The following AGBL1 variants were observed in gnomAD, a reference collection of about 807,000 sequenced individuals.
The protein encoded by AGBL1 is AGBL carboxypeptidase 1, also known as cytosolic carboxypeptidase 4.
Under a neutral mutation model 118.9 loss-of-function variants are expected in AGBL1, and 130 were observed. The ratio of observed to expected loss-of-function variants is 1.09; its 90% CI spans 0.95 to 1.26. AGBL1 has a LOEUF of 1.26. Ranked by LOEUF, AGBL1 falls within the 50% of genes most tolerant of loss-of-function variation. AGBL1 has a pLI of 0.00. For synonymous variants in AGBL1, 555 were observed against 478.9 expected, an observed-to-expected ratio of 1.16 and a Z score of -2.08; for missense variants, 1,584 against 1,298.1, an observed-to-expected ratio of 1.22 and a Z score of -3.38.
chr15:86,634,088 A>G (rs2085035733), intron 21 of AGBL1, among the ~76,000 whole-genome samples: 2 of 152,158 alleles, frequency 1.3e-5, no homozygotes, highest in South Asian at 4.1e-4. Context: ...ACGTGGGGAA[A>G]TTGGAGCCCT....
At position 86,426,359 on chromosome 15, in the gene AGBL1, C is replaced by T. The variant is rs2081866331; in HGVS notation, c.2555+28813C>T. Among the ~76,000 whole-genome samples the T allele has an allele frequency of 1.3e-5, 2 of 152,168 alleles. 1 individual carries two copies. Among genetic ancestry groups the T allele is most frequent in the South Asian group, 4.1e-4 (2 of 4,830 alleles). ...CTGGCAGATCCAGGACAAAGAAAAT[C>T]TCTTTTCCCAGGTCTGTCAAATGAT... On this transcript the variant is annotated intron_variant, in intron 18 of 22. Transcript: ENST00000614907.
chr15:86,753,076 G>T (rs1362102002), intron 22 of AGBL1, among the ~76,000 whole-genome samples: 2 of 152,054 alleles, frequency 1.3e-5, no homozygotes, highest in East Asian at 1.9e-4. Context: ...AAATCACTTT[G>T]TTCTGTAAAT....
intron 1 of AGBL1, among the ~76,000 whole-genome samples, chr15:86,095,589 G>GGATGAAGA (rs1896314180): frequency 1.3e-5 from 2 of 151,192 alleles, no homozygotes; most frequent in South Asian, 4.2e-4. Context: ...CAGGAACTGG[G>GGATGAAGA]GATGAAGACC....
chr15:86,573,575 T>C (rs761684307), intron 21 of AGBL1, among the ~76,000 whole-genome samples: 4 of 152,224 alleles, frequency 2.6e-5, no homozygotes, highest in Non-Finnish European at 4.4e-5. Context: ...ATCCTAGTTG[T>C]CTTTCATCCT....
chr15:86,641,742 C>G (rs977509228), intron 21 of AGBL1, among the ~76,000 whole-genome samples: 4 of 152,036 alleles, frequency 2.6e-5, no homozygotes, highest in African/African-American at 9.7e-5. Context: ...CATAGTGAGA[C>G]TCCGTTTCTG....
intron 21 of AGBL1, among the ~76,000 whole-genome samples, chr15:86,599,150 C>T (rs578237385): frequency 2.0e-4 from 30 of 152,190 alleles, no homozygotes; most frequent in African/African-American, 7.0e-4. Flanking sequence ...CCTAGTTTTA[C>T]TTAGTTTTTT....
At chr15:86,364,243 C>T (rs571733847) in intron 17 of AGBL1, among the ~76,000 whole-genome samples, 44 of 152,310 alleles carry the variant, frequency 2.9e-4, no homozygotes, top group African/African-American at 1.0e-3. Flanking sequence ...ATACTTTAAC[C>T]ACCATGAATA....
At chr15:87,020,332 G>C (rs1207249400) in intron 24 of AGBL1, among the ~76,000 whole-genome samples, 1 of 151,990 alleles carries the variant, frequency 6.6e-6, no homozygotes, top group East Asian at 1.9e-4. Context: ...CAATAAACTA[G>C]GAACTGAAGG....
At chr15:86,516,521 T>C (rs756798296) in intron 18 of AGBL1, among the ~76,000 whole-genome samples, 2 of 152,206 alleles carry the variant, frequency 1.3e-5, no homozygotes, top group Non-Finnish European at 2.9e-5. Context: ...ATTAACTGGC[T>C]GGGTGCGGTG....
At position 86,321,820 on chromosome 15, in the gene AGBL1, T is replaced by C. The variant is rs144342032; in HGVS notation, c.2374+26412T>C. ...TTATTTTCCTTTAAATGCCACTTTA[T>C]CTCTATACCACTGGCTTTTCTATGT... On this transcript the variant is annotated intron_variant, in intron 17 of 22. Coordinates refer to ENST00000614907, the MANE Select transcript of AGBL1 (RefSeq NM_001386094.1). 4.1e-3 allele frequency among the ~76,000 whole-genome samples: 628 copies of C among 152,150 alleles called. 6 individuals are homozygous for C. The highest frequency in any genetic ancestry group is 0.014 in the African/African-American group (586 of 41,508).
intron 22 of AGBL1, among the ~76,000 whole-genome samples, chr15:86,691,740 T>A (rs1364025210): frequency 6.6e-6 from 1 of 152,168 alleles, no homozygotes; most frequent in African/African-American, 2.4e-5. Context: ...TTTTCCCATC[T>A]GCCTGAGGCT....
At chr15:86,858,633 C>T (rs2079519125) in intron 22 of AGBL1, among the ~76,000 whole-genome samples, 1 of 152,166 alleles carries the variant, frequency 6.6e-6, no homozygotes. Flanking sequence ...AAGAAACTAA[C>T]CCCCTTGCTC....
At chr15:86,672,514 C>A (rs551209909) in intron 21 of AGBL1, among the ~76,000 whole-genome samples, 3 of 152,116 alleles carry the variant, frequency 2.0e-5, no homozygotes, top group Non-Finnish European at 4.4e-5. Flanking sequence ...CTCCTGCCCC[C>A]GAGGGCCAGA....
At chr15:86,213,991 C>G (rs1327264536) in intron 5 of AGBL1, among the ~76,000 whole-genome samples, 2 of 152,124 alleles carry the variant, frequency 1.3e-5, no homozygotes, top group African/African-American at 2.4e-5. Flanking sequence ...TTATGGGTAT[C>G]TCATGTAAGT....
At chr15:86,520,701 T>C (rs2083178062) in intron 18 of AGBL1, among the ~76,000 whole-genome samples, 1 of 152,130 alleles carries the variant, frequency 6.6e-6, no homozygotes, top group South Asian at 2.1e-4. Flanking sequence ...ACTAATTTCG[T>C]CACAGTCAGT....
At chr15:86,634,419 T>G (rs1020692405) in intron 21 of AGBL1, among the ~76,000 whole-genome samples, 2 of 152,128 alleles carry the variant, frequency 1.3e-5, no homozygotes, top group Non-Finnish European at 2.9e-5. Flanking sequence ...TGGATGAAGC[T>G]TAAAAACATT....
At chr15:86,234,550 C>CAAAAAAAAAAAAAAA (rs397854519) in intron 6 of AGBL1, among the ~76,000 whole-genome samples, 1 of 76,322 alleles carries the variant, frequency 1.3e-5, no homozygotes. Flanking sequence ...GACTCTATCT[C>CAAAAAAAAAAAAAAA]AAAAAAAAAA....
At chr15:86,734,995 C>A (rs1178117387) in intron 22 of AGBL1, among the ~76,000 whole-genome samples, 1 of 149,852 alleles carries the variant, frequency 6.7e-6, no homozygotes, top group Non-Finnish European at 1.5e-5. Context: ...TTTCTATTTT[C>A]TTTTGTGCTC....
chr15:86,754,388 C>G (rs1043818513), intron 22 of AGBL1, among the ~76,000 whole-genome samples: 1 of 152,048 alleles, frequency 6.6e-6, no homozygotes, highest in Admixed American at 6.6e-5. Context: ...AACAATCAAA[C>G]AATATTGATT....
Sources: allele counts gnomAD v4.1 joint callset (sites outside exome capture counted in the v4.1 genomes callset), GRCh38; gene constraint gnomAD v4.1.1; transcripts MANE v1.5; gene names NCBI Gene and HGNC (gene_info 2026-07-23, HGNC 2026-07-21).